PACS1: variants seen among roughly 807,000 people sequenced by gnomAD.
The protein encoded by PACS1 is PACS-1.
A neutral mutation model predicts 115.0 loss-of-function variants in PACS1; 24 were observed. The observed-to-expected ratio is 0.21, with a 90% CI of 0.15 to 0.29. PACS1 has a LOEUF of 0.29. PACS1 is among the 10% of genes least tolerant of loss of function. The pLI is 1.00. For synonymous variants in PACS1, 453 were observed against 504.5 expected, an observed-to-expected ratio of 0.90 and a Z score of 1.37; for missense variants, 838 against 1,251.2, an observed-to-expected ratio of 0.67 and a Z score of 4.98.
At position 66,233,189 on chromosome 11, in the gene PACS1, C is replaced by A. The variant is rs981989043; in HGVS notation, c.1838+123C>A. On this transcript the variant is annotated intron_variant, in intron 15 of 23. Coordinates refer to ENST00000320580, the MANE Select transcript of PACS1 (RefSeq NM_018026.4). This position sits in a 1 kb window ranked among gnomAD's most constrained non-coding sequence, Gnocchi z 4.5. ...ATCAGACCAAGAATTTGCAGAGGGGCGTATGTTTAGGGGGGTGGCGGCAGC... is the reference window on the plus strand; with the variant it reads ...ATCAGACCAAGAATTTGCAGAGGGGAGTATGTTTAGGGGGGTGGCGGCAGC... The A allele has an allele frequency of 1.3e-5, 9 of 712,608 alleles. No homozygotes were observed. The East Asian group carries it at 2.5e-4, about 19-fold the overall frequency. The allele number at this position is 712,608 out of a possible 1,614,324, so 44.1% of individuals were successfully genotyped here.
chr11:66,154,177 C>T (rs1488805216), intron 1 of PACS1, among the ~76,000 whole-genome samples: 1 of 152,168 alleles, frequency 6.6e-6, no homozygotes, highest in Non-Finnish European at 1.5e-5. Context: ...TGGCTCACGT[C>T]AGTAATCCCA....
intron 1 of PACS1, among the ~76,000 whole-genome samples, chr11:66,090,275 T>TC (rs1857638480): frequency 6.9e-6 from 1 of 145,106 alleles, no homozygotes; most frequent in Non-Finnish European, 1.5e-5. Flanking sequence ...TCCTTTCTTT[T>TC]TTTTTTTTTT....
At position 66,070,681 on chromosome 11, in the gene PACS1, C is replaced by T; in HGVS notation, c.195C>T (p.Ala65=). The change falls in exon 1 of 24, where the codon GCC becomes GCT. Residue 65 remains alanine (A), a synonymous_variant. Coordinates refer to ENST00000320580, the MANE Select transcript of PACS1 (RefSeq NM_018026.4). This position sits in a 1 kb window ranked among gnomAD's most constrained non-coding sequence, Gnocchi z 5.9. ...SSSSSTSAAA[A]SSSSSSTSTS... ...CCTCGTCCACCTCGGCGGCGGCTGCCTCCTCCTCGTCCTCGTCTACCTCCA... is the reference window on the plus strand; with the variant it reads ...CCTCGTCCACCTCGGCGGCGGCTGCTTCCTCCTCGTCCTCGTCTACCTCCA... The T allele has an allele frequency of 1.9e-6, 3 of 1,577,160 alleles. No individual in the cohort carries two copies. The highest frequency in any genetic ancestry group is 1.7e-5 in the Admixed American group (1 of 58,308).
chr11:66,090,147 A>G lies in PACS1; in HGVS notation c.356+19305A>G, dbSNP rs1280874320. On this transcript the variant is annotated intron_variant, in intron 1 of 23. Coordinates refer to ENST00000320580, the MANE Select transcript of PACS1 (RefSeq NM_018026.4). The stretch of plus-strand genomic sequence containing the variant: ...CCATCCAGTTTGGGGTTCTTTGAAC[A>G]TGGACACTTTAGCCATAACTTACAG... Among the ~76,000 whole-genome samples, 4 of 151,932 alleles carry G rather than the reference A, an allele frequency of 2.6e-5. No homozygotes were observed. The East Asian group carries it at 7.7e-4, about 29-fold the overall frequency.
intron 1 of PACS1, among the ~76,000 whole-genome samples, chr11:66,130,806 C>G (rs1486746337): frequency 1.3e-5 from 2 of 152,146 alleles, no homozygotes; most frequent in Non-Finnish European, 2.9e-5. Flanking sequence ...TAGTGGCTCA[C>G]ACTTATAGTC....
Position 66,134,198 on chromosome 11 carries a change from G to A in PACS1, c.357-59288G>A, listed in dbSNP as rs116977880. ...TGCTGCCCTCGACTGTTGTGAGGCC[G>A]GCTGAGTTTCAGTAACAGGGACTCG... On this transcript the variant is annotated intron_variant, in intron 1 of 23. Transcript: ENST00000320580. Among the ~76,000 whole-genome samples, 316 of 150,634 alleles carry A rather than the reference G, an allele frequency of 2.1e-3. 4 individuals carry two copies. The highest frequency in any genetic ancestry group is 7.5e-3 in the African/African-American group (308 of 41,088).
At chr11:66,232,842 C>A in intron 14 of PACS1, 118 bp from the exon 15 acceptor site, 1 of 760,952 alleles carries the variant, frequency 1.3e-6, no homozygotes, top group Non-Finnish European at 2.2e-6. Flanking sequence ...CAGCTTCGGT[C>A]TGAACTGCAG....
In PACS1 at chr11:66,233,181, C is replaced by A; in HGVS notation, c.1838+115C>A. Reference sequence around the variant, plus strand: ...CTGGCCTCATCAGACCAAGAATTTGCAGAGGGGCGTATGTTTAGGGGGGTG... The same window carrying A: ...CTGGCCTCATCAGACCAAGAATTTGAAGAGGGGCGTATGTTTAGGGGGGTG... On this transcript the variant is annotated intron_variant, in intron 15 of 23. Coordinates refer to ENST00000320580, the MANE Select transcript of PACS1 (RefSeq NM_018026.4). This position sits in a 1 kb window ranked among gnomAD's most constrained non-coding sequence, Gnocchi z 4.5. 1.3e-6 allele frequency: 1 copy of A among 745,346 alleles called. No homozygotes were observed. The highest frequency in any genetic ancestry group is 2.2e-6 in the Non-Finnish European group (1 of 448,604). The allele number at this position is 745,346 out of a possible 1,614,324, so 46.2% of individuals were successfully genotyped here. A position where few individuals can be genotyped will look rare whatever the true frequency, so the allele number is the denominator to read the frequency against.
chr11:66,193,498 G>T lies in PACS1; in HGVS notation c.369G>T (p.Leu123Phe). ...SSSCVPRLFSLTLKKLVMLKE... is the reference protein window; with the variant it reads ...SSSCVPRLFSFTLKKLVMLKE... ...TCTGTTTTTCTAGGCTATTCAGCTTGACCCTGAAGAAACTCGTCATGCTAA... is the reference window on the plus strand; with the variant it reads ...TCTGTTTTTCTAGGCTATTCAGCTTTACCCTGAAGAAACTCGTCATGCTAA... Residue 123 changes from leucine to phenylalanine, a missense_variant, in exon 2 of 24, where the codon TTG becomes TTT. Physicochemically the swap from Leu to Phe is conservative, Grantham distance 22. This residue lies in a region of PACS1 where 223 missense variants were observed against 354.0 expected (regional missense o/e 0.63). Transcript: ENST00000320580. 6.2e-7 allele frequency: 1 copy of T among 1,611,998 alleles called. No individual in the cohort carries two copies. The highest frequency in any genetic ancestry group is 1.1e-5 in the South Asian group (1 of 90,980).
chr11:66,216,862 C>CTTATTTTTTTTTTTTTT, intron 7 of PACS1, 87 bp downstream of exon 7: 3 of 849,826 alleles, frequency 3.5e-6, no homozygotes, highest in Non-Finnish European at 3.9e-6. Context: ...CTAGTGGAGA[C>CTTATTTTTTTTTTTTTT]TTCTTAAAAT....
chr11:66,191,680 A>G (rs1390879296), intron 1 of PACS1, among the ~76,000 whole-genome samples: 1 of 152,244 alleles, frequency 6.6e-6, no homozygotes, highest in Non-Finnish European at 1.5e-5. Context: ...AGCTTAAAGC[A>G]AAGAAAGAGA....
intron 1 of PACS1, among the ~76,000 whole-genome samples, chr11:66,165,444 T>G (rs1422263768): frequency 6.6e-6 from 1 of 152,196 alleles, no homozygotes; most frequent in East Asian, 1.9e-4. Flanking sequence ...ATACCATCTC[T>G]ATGCCTCGAC....
chr11:66,222,860 C>T (rs979193892), intron 10 of PACS1, among the ~76,000 whole-genome samples: 1 of 151,986 alleles, frequency 6.6e-6, no homozygotes, highest in Non-Finnish European at 1.5e-5. Flanking sequence ...AGGTGGGGCT[C>T]TCTCCCAGCT....
chr11:66,232,400 C>G, intron 14 of PACS1, 124 bp downstream of exon 14: 1 of 627,194 alleles, frequency 1.6e-6, no homozygotes, highest in East Asian at 2.7e-5. Context: ...CATCAGCCCC[C>G]ACCTGCTCTG....
intron 2 of PACS1, among the ~76,000 whole-genome samples, chr11:66,200,582 C>T (rs1854765811): frequency 6.6e-6 from 1 of 151,604 alleles, no homozygotes; most frequent in African/African-American, 2.4e-5. Flanking sequence ...ATAAAGGGGT[C>T]AACTCAGCAA....
chr11:66,177,790 T>C (rs1198506120), intron 1 of PACS1, among the ~76,000 whole-genome samples: 1 of 152,170 alleles, frequency 6.6e-6, no homozygotes, highest in Non-Finnish European at 1.5e-5. Flanking sequence ...TTTTAATTTT[T>C]TTTTGTAGAC....
chr11:66,107,562 G>A (rs953013808), intron 1 of PACS1, among the ~76,000 whole-genome samples: 5 of 152,214 alleles, frequency 3.3e-5, no homozygotes, highest in Non-Finnish European at 7.3e-5. Context: ...CACATAGTAA[G>A]TGCTTGGTAA....
At chr11:66,234,393 T>C in intron 17 of PACS1, 151 bp downstream of exon 17, 1 of 661,646 alleles carries the variant, frequency 1.5e-6, no homozygotes, top group Non-Finnish European at 2.8e-6. Context: ...TAAGTGTTTA[T>C]TAAGCGGAGG....
intron 1 of PACS1, among the ~76,000 whole-genome samples, chr11:66,083,798 CA>C (rs1260335264): frequency 6.6e-6 from 1 of 152,180 alleles, no homozygotes; most frequent in Non-Finnish European, 1.5e-5. Context: ...AAAAAGCCAG[CA>C]AATTGCTATA....
Sources: gnomAD v4.1 joint callset for allele counts (sites outside exome capture counted in the v4.1 genomes callset) on GRCh38, gnomAD v4.1.1 for gene constraint, gnomAD v4.1.1 regional missense constraint, Gnocchi (gnomAD v3.1) non-coding constraint, MANE v1.5 for transcripts, NCBI Gene and HGNC (gene_info 2026-07-23, HGNC 2026-07-21) for gene names.